Variants in ISL1 observed in about 807,000 individuals in gnomAD.
The protein encoded by ISL1 is insulin gene enhancer protein ISL-1.
In ISL1, 4 loss-of-function variants were observed where a neutral mutation model predicts 35.3. That is an observed-to-expected ratio of 0.11 (90% CI 0.06 to 0.26). ISL1 has a LOEUF of 0.26. Ranked by LOEUF, ISL1 falls within the 10% of genes least tolerant of loss-of-function variation. ISL1 has a pLI of 1.00. For missense variants in ISL1, 340 were observed against 472.8 expected (o/e 0.72, Z 2.60); for synonymous variants, 186 against 172.3 (o/e 1.08, Z -0.62).
At chr5:51,390,785 T>C (rs1036734167) in intron 4 of ISL1, among the ~76,000 whole-genome samples, 2 of 150,538 alleles carry the variant, frequency 1.3e-5, no homozygotes, top group Non-Finnish European at 3.0e-5. Context: ...TAGTGCATAA[T>C]AGCACAATAG....
intron 2 of ISL1, chr5:51,386,376 CTGTGTGTGTGTG>C (rs3138746): frequency 4.8e-4 from 126 of 262,738 alleles, no homozygotes; most frequent in African/African-American, 1.5e-3. Flanking sequence ...TCTCTCAACT[CTGTGTGTGTGTG>C]TGTGTGTGTG....
Position 51,393,962 on chromosome 5 carries a change from C to T in ISL1, c.*352C>T, listed in dbSNP as rs1747577000. Reference sequence around the variant, plus strand: ...ATTTCACTGCACATCTAGAGAAAAACAAAAATAGAAAATTTTCTAGTCCAT... The same window carrying T: ...ATTTCACTGCACATCTAGAGAAAAATAAAAATAGAAAATTTTCTAGTCCAT... On this transcript the variant is annotated 3_prime_UTR_variant, in exon 6 of 6. Coordinates refer to ENST00000230658, the MANE Select transcript of ISL1 (RefSeq NM_002202.3). 3.2e-6 allele frequency: 1 copy of T among 312,326 alleles called. No homozygotes were observed. Among genetic ancestry groups the T allele is most frequent in the South Asian group, 3.2e-5 (1 of 31,532 alleles). The allele number at this position is 312,326 out of a possible 1,614,324, so 19.3% of individuals were successfully genotyped here. A position where few individuals can be genotyped will look rare whatever the true frequency, so the allele number is the denominator to read the frequency against.
At position 51,390,642 on chromosome 5, in the gene ISL1, C is replaced by CTTTTTTTTTTTTT. The variant is rs57707586; in HGVS notation, c.766-606_766-594dup. 2.8e-3 allele frequency among the ~76,000 whole-genome samples: 114 copies of CTTTTTTTTTTTTT among 40,030 alleles called. 3 individuals carry two copies. The highest frequency in any genetic ancestry group is 3.9e-3 in the Non-Finnish European group (83 of 21,164). The allele number at this position is 40,030 out of a possible 152,430, so 26.3% of individuals were successfully genotyped here. The stretch of plus-strand genomic sequence containing the variant: ...TCCTTTTTTTCTTTTCTTTCTTTTT[C>CTTTTTTTTTTTTT]TTTTTTTTTTTTTTTTTTTTTTTTT... On this transcript the variant is annotated intron_variant, in intron 4 of 5. Coordinates refer to ENST00000230658, the MANE Select transcript of ISL1 (RefSeq NM_002202.3).
At chr5:51,392,059 G>A (rs1431733732) in intron 5 of ISL1, among the ~76,000 whole-genome samples, 2 of 152,122 alleles carry the variant, frequency 1.3e-5, no homozygotes, top group African/African-American at 4.8e-5. Flanking sequence ...ATGTAGGACC[G>A]TTTAAATGTT....
rs1347884419 is a variant in ISL1, at chr5:51,394,469, G to A, written c.*859G>A. On this transcript the variant is annotated 3_prime_UTR_variant, in exon 6 of 6. Transcript: ENST00000230658. Reference sequence around the variant, plus strand: ...GAAAAAAAAAAAGGAAACTTTTTTTGTTTGCTCTTGCATTGCAAAAATTAT... The same window carrying A: ...GAAAAAAAAAAAGGAAACTTTTTTTATTTGCTCTTGCATTGCAAAAATTAT... The A allele has an allele frequency of 6.8e-6, 1 of 147,066 alleles. No homozygotes were observed. The highest frequency in any genetic ancestry group is 1.5e-5 in the Non-Finnish European group (1 of 66,710). The allele number at this position is 147,066 out of a possible 1,614,324, so 9.1% of individuals were successfully genotyped here. A position where few individuals can be genotyped will look rare whatever the true frequency, so the allele number is the denominator to read the frequency against.
rs919025604 is a variant in ISL1 at position 51,387,114 on chromosome 5, A to G, written c.219-376A>G. The stretch of plus-strand genomic sequence containing the variant: ...ATTCCTTCCTGCCAAGATCTGCAAG[A>G]TCAACACTGGGATTGATTGCTAGAG... On this transcript the variant is annotated intron_variant, in intron 2 of 5. Transcript: ENST00000230658. This position sits in a 1 kb window ranked among gnomAD's most constrained non-coding sequence, Gnocchi z 4.3. 6.6e-6 allele frequency among the ~76,000 whole-genome samples: 1 copy of G among 152,090 alleles called. No homozygotes were observed. The highest frequency in any genetic ancestry group is 1.5e-5 in the Non-Finnish European group (1 of 68,032).
Position 51,389,935 on chromosome 5 carries a change from G to C in ISL1, c.765+3G>C. ...AGCAGCAGCCCAATGACAAAACTGT[G>C]AGTGGCTCTGGGGCCGGGCAGGGAA... On this transcript the variant is annotated splice_donor_region_variant and intron_variant, in intron 4 of 5. Transcript: ENST00000230658. The surrounding 1 kb of genome is among the most constrained non-coding windows in gnomAD (Gnocchi z 5.0). 6.2e-7 allele frequency: 1 copy of C among 1,613,340 alleles called. No homozygotes were observed. Among genetic ancestry groups the C allele is most frequent in the Non-Finnish European group, 8.5e-7 (1 of 1,179,364 alleles).
intron 5 of ISL1, among the ~76,000 whole-genome samples, chr5:51,391,940 ACAG>A (rs1747525801): frequency 6.6e-6 from 1 of 152,326 alleles, no homozygotes; most frequent in African/African-American, 2.4e-5. Flanking sequence ...TTATCAATAA[ACAG>A]CAGGCATGTG....
intron 1 of ISL1, 137 bp downstream of exon 1, chr5:51,383,836 T>G: frequency 1.3e-6 from 1 of 776,206 alleles, no homozygotes; most frequent in South Asian, 1.4e-5. Context: ...GGCTTTTTCT[T>G]GTTGCCGCCA....
intron 5 of ISL1, 59 bp downstream of exon 5, chr5:51,391,500 C>A (rs752672486): frequency 6.3e-7 from 1 of 1,587,140 alleles, no homozygotes; most frequent in Non-Finnish European, 8.6e-7. Flanking sequence ...TCTGGTTTAA[C>A]TGTCACACAT....
intron 1 of ISL1, among the ~76,000 whole-genome samples, chr5:51,384,023 A>G (rs549340385): frequency 6.6e-6 from 1 of 152,228 alleles, no homozygotes; most frequent in African/African-American, 2.4e-5. Flanking sequence ...CTGCACAGTC[A>G]ATGCCCAGAG....
intron 5 of ISL1, among the ~76,000 whole-genome samples, chr5:51,392,599 A>G (rs998487917): frequency 6.6e-6 from 1 of 152,206 alleles, no homozygotes; most frequent in African/African-American, 2.4e-5. Context: ...GTAGAAAGAA[A>G]TGTAGGCTCT....
In ISL1 at chr5:51,389,943, C is replaced by T; in HGVS notation, c.765+11C>T. On this transcript the variant is annotated intron_variant, in intron 4 of 5. Coordinates refer to ENST00000230658, the MANE Select transcript of ISL1 (RefSeq NM_002202.3). This position sits in a 1 kb window ranked among gnomAD's most constrained non-coding sequence, Gnocchi z 5.0. ...CCCAATGACAAAACTGTGAGTGGCT[C>T]TGGGGCCGGGCAGGGAATGCGAGGG... The T allele has an allele frequency of 6.2e-7, 1 of 1,612,358 alleles. No homozygotes were observed. The highest frequency in any genetic ancestry group is 1.1e-5 in the South Asian group (1 of 91,050).
Position 51,383,554 on chromosome 5 carries a change from TTGG to T in ISL1, c.-117_-115del. The T allele has an allele frequency of 1.1e-6, 1 of 895,364 alleles. No individual in the cohort carries two copies. The highest frequency in any genetic ancestry group is 1.9e-6 in the Non-Finnish European group (1 of 527,072). The allele number at this position is 895,364 out of a possible 1,614,324, so 55.5% of individuals were successfully genotyped here. ...CAGCCGAGCAGCGGCTCTTTCAGCATTGGCAACCCCAGGGGCCAATATTTCCCA... is the reference window on the plus strand; with the variant it reads ...CAGCCGAGCAGCGGCTCTTTCAGCATCAACCCCAGGGGCCAATATTTCCCA... On this transcript the variant is annotated 5_prime_UTR_variant, in exon 1 of 6. Transcript: ENST00000230658.
rs1747475980 is a variant in ISL1, at chr5:51,390,636, C to CCTTTTTT, written c.766-638_766-637insCTTTTTT. Among the ~76,000 whole-genome samples the CCTTTTTT allele has an allele frequency of 3.5e-4, 26 of 74,330 alleles. 1 individual carries two copies. Among genetic ancestry groups the CCTTTTTT allele is most frequent in the African/African-American group, 1.1e-3 (26 of 23,674 alleles). 48.8% of individuals were successfully genotyped at this position (74,330 alleles called of 152,430 possible). On this transcript the variant is annotated intron_variant, in intron 4 of 5. Coordinates refer to ENST00000230658, the MANE Select transcript of ISL1 (RefSeq NM_002202.3). ...TTTTCTTCCTTTTTTTCTTTTCTTT[C>CCTTTTTT]TTTTTCTTTTTTTTTTTTTTTTTTT... is the stretch of plus-strand genomic sequence containing the variant.
At chr5:51,383,802 A>C (rs1467234645) in intron 1 of ISL1, 103 bp downstream of exon 1, 3 of 996,214 alleles carry the variant, frequency 3.0e-6, no homozygotes, top group Non-Finnish European at 4.9e-6. Flanking sequence ...AGTTGGAGTC[A>C]TTGCCTGGAG....
At chr5:51,386,553 T>A (rs1297279316) in intron 2 of ISL1, 4 of 455,806 alleles carry the variant, frequency 8.8e-6, no homozygotes, top group African/African-American at 2.0e-5. Flanking sequence ...TGCCCCAGCT[T>A]CTGTTATTCC....
In ISL1 at chr5:51,387,848, G is replaced by A; in HGVS notation, c.478+99G>A. ...TGGTAGCTACAGGGGTGGTCGTAGT[G>A]TTTGCCTGCAGTTAAATGAAGTGTT... On this transcript the variant is annotated intron_variant, in intron 3 of 5. Coordinates refer to ENST00000230658, the MANE Select transcript of ISL1 (RefSeq NM_002202.3). The surrounding 1 kb of genome is among the most constrained non-coding windows in gnomAD (Gnocchi z 4.3). 5.4e-6 allele frequency: 8 copies of A among 1,480,394 alleles called. No individual in the cohort carries two copies. Among genetic ancestry groups the A allele is most frequent in the South Asian group, 1.2e-5 (1 of 84,274 alleles). 91.7% of individuals were successfully genotyped at this position (1,480,394 alleles called of 1,614,324 possible). A position where few individuals can be genotyped will look rare whatever the true frequency, so the allele number is the denominator to read the frequency against.
intron 2 of ISL1, among the ~76,000 whole-genome samples, chr5:51,385,629 A>G (rs549169091): frequency 6.6e-6 from 1 of 151,704 alleles, no homozygotes; most frequent in African/African-American, 2.4e-5. Flanking sequence ...GCTAATCTCA[A>G]GTTTCCTCTG....
Sources: allele counts gnomAD v4.1 joint callset (sites outside exome capture counted in the v4.1 genomes callset), GRCh38; gene constraint gnomAD v4.1.1; non-coding constraint Gnocchi (gnomAD v3.1); transcripts MANE v1.5; gene names NCBI Gene and HGNC (gene_info 2026-07-23, HGNC 2026-07-21).